The following ETV6 variants were observed in gnomAD, a reference collection of about 807,000 sequenced individuals.
ETV6 encodes the protein ETS variant transcription factor 6.
A neutral mutation model predicts 51.1 loss-of-function variants in ETV6; 16 were observed. That is an observed-to-expected ratio of 0.31 (90% CI 0.21 to 0.48). The LOEUF (loss-of-function observed/expected upper bound fraction) is 0.48, where lower values mean the gene tolerates loss of function less well. ETV6 is among the 20% of genes least tolerant of loss of function. ETV6 has a pLI of 0.99. For synonymous variants in ETV6, 240 were observed against 224.1 expected, an observed-to-expected ratio of 1.07 and a Z score of -0.64; for missense variants, 458 against 594.8, an observed-to-expected ratio of 0.77 and a Z score of 2.39.
At chr12:11,868,805 C>T (rs1000292082) in intron 4 of ETV6, among the ~76,000 whole-genome samples, 4 of 152,084 alleles carry the variant, frequency 2.6e-5, no homozygotes, top group Non-Finnish European at 5.9e-5. Flanking sequence ...CTGAAAGCGA[C>T]GTAGAAGAGT....
intron 4 of ETV6, 114 bp downstream of exon 4, chr12:11,853,675 C>T (rs1041611032): frequency 4.9e-6 from 6 of 1,228,932 alleles, no homozygotes; most frequent in Non-Finnish European, 6.9e-6. Context: ...ATTCAGTAGA[C>T]AATTATTGAG....
chr12:11,668,475 G>A (rs573559225), intron 1 of ETV6, among the ~76,000 whole-genome samples: 6 of 151,606 alleles, frequency 4.0e-5, no homozygotes, highest in African/African-American at 1.2e-4. Context: ...TATTTCTATC[G>A]AAAAGAGTAT....
intron 3 of ETV6, among the ~76,000 whole-genome samples, chr12:11,845,081 G>C (rs901369686): frequency 6.6e-6 from 1 of 152,046 alleles, no homozygotes; most frequent in Admixed American, 6.6e-5. Context: ...TACCCACTTT[G>C]GCCTCCCAAA....
In ETV6 at chr12:11,894,161, A is replaced by G; in HGVS notation, c.*3115A>G. 4.3e-6 allele frequency: 1 copy of G among 231,446 alleles called. No homozygotes were observed. The highest frequency in any genetic ancestry group is 8.5e-6 in the Non-Finnish European group (1 of 116,986). 14.3% of individuals were successfully genotyped at this position (231,446 alleles called of 1,614,324 possible). A position where few individuals can be genotyped will look rare whatever the true frequency, so the allele number is the denominator to read the frequency against. On this transcript the variant is annotated 3_prime_UTR_variant, in exon 8 of 8. Transcript: ENST00000396373. ...TCAATCAGCCATAATCCCTGCTTTC[A>G]GAGTTTATATTGTACCTGCCTAATC...
At chr12:11,713,809 T>TA (rs554329173) in intron 1 of ETV6, among the ~76,000 whole-genome samples, 107 of 152,220 alleles carry the variant, frequency 7.0e-4, no homozygotes, top group African/African-American at 2.5e-3. Flanking sequence ...CCTGGGAGTT[T>TA]AAAAAAATCC....
intron 1 of ETV6, among the ~76,000 whole-genome samples, chr12:11,745,560 C>T (rs1865892569): frequency 6.6e-6 from 1 of 152,202 alleles, no homozygotes; most frequent in African/African-American, 2.4e-5. Flanking sequence ...CCATTCCCCT[C>T]TTGGGAATGT....
At chr12:11,780,489 T>C (rs927776470) in intron 2 of ETV6, among the ~76,000 whole-genome samples, 9 of 152,142 alleles carry the variant, frequency 5.9e-5, no homozygotes, top group Admixed American at 5.2e-4. Flanking sequence ...GGAGGTATAT[T>C]GGGCAGCTCA....
At position 11,789,028 on chromosome 12, in the gene ETV6, TTTG is replaced by T. The variant is rs577196378; in HGVS notation, c.163+36462_163+36464del. On this transcript the variant is annotated intron_variant, in intron 2 of 7. Coordinates refer to ENST00000396373, the MANE Select transcript of ETV6 (RefSeq NM_001987.5). The stretch of plus-strand genomic sequence containing the variant: ...ATGCTTTTATAGTATATTTATTGTT[TTTG>T]TTGTTGTTGTTGCTGTTTTGAGACA... 2.0e-4 allele frequency among the ~76,000 whole-genome samples: 30 copies of T among 152,212 alleles called. No homozygotes were observed. The East Asian group carries it at 5.0e-3, about 25-fold the overall frequency.
chr12:11,734,540 A>AAG (rs1865667030), intron 1 of ETV6, among the ~76,000 whole-genome samples: 1 of 151,952 alleles, frequency 6.6e-6, no homozygotes, highest in African/African-American at 2.4e-5. Flanking sequence ...AAAAAAAAAA[A>AAG]AAGAAGAAGA....
intron 1 of ETV6, among the ~76,000 whole-genome samples, chr12:11,720,729 G>T (rs545654289): frequency 5.1e-4 from 78 of 152,228 alleles, no homozygotes; most frequent in African/African-American, 1.7e-3. Flanking sequence ...TTGACAAGTG[G>T]GAACTAATTA....
intron 2 of ETV6, among the ~76,000 whole-genome samples, chr12:11,763,590 T>G (rs1945122671): frequency 6.6e-6 from 1 of 152,210 alleles, no homozygotes; most frequent in Non-Finnish European, 1.5e-5. Context: ...AGAGAAAAAT[T>G]TTTGCTTCAG....
In ETV6 at chr12:11,746,129, A is replaced by G. The variant is rs569226794; in HGVS notation, c.34-6321A>G. On this transcript the variant is annotated intron_variant, in intron 1 of 7. Coordinates refer to ENST00000396373, the MANE Select transcript of ETV6 (RefSeq NM_001987.5). ...AGGCAGCTCTGTTGAGTCACCCTCA[A>G]GAATCCTGCTGGAATTCTGTGAGGA... Among the ~76,000 whole-genome samples the G allele has an allele frequency of 3.9e-5, 6 of 152,358 alleles. No homozygotes were observed. The South Asian group carries it at 1.2e-3, about 32-fold the overall frequency.
chr12:11,824,391 C>T (rs1252892181), intron 2 of ETV6, among the ~76,000 whole-genome samples: 8 of 152,140 alleles, frequency 5.3e-5, no homozygotes, highest in African/African-American at 1.9e-4. Context: ...GTAGAGTTCT[C>T]TGGGCCCTGT....
At chr12:11,884,173 C>T (rs546453014) in intron 5 of ETV6, among the ~76,000 whole-genome samples, 2 of 152,180 alleles carry the variant, frequency 1.3e-5, no homozygotes, top group Non-Finnish European at 2.9e-5. Flanking sequence ...GGGTCACGAC[C>T]GTGGACTTCT....
intron 1 of ETV6, among the ~76,000 whole-genome samples, chr12:11,708,645 C>T (rs1162056953): frequency 6.6e-6 from 1 of 152,170 alleles, no homozygotes; most frequent in Non-Finnish European, 1.5e-5. Context: ...TAGGCACATT[C>T]AGGAATCGTA....
intron 2 of ETV6, among the ~76,000 whole-genome samples, chr12:11,833,094 A>T (rs1410363164): frequency 6.6e-6 from 1 of 152,256 alleles, no homozygotes; most frequent in Non-Finnish European, 1.5e-5. Context: ...ACATTCTTAC[A>T]GTTGGGTTCC....
At chr12:11,792,455 G>A (rs1031737053) in intron 2 of ETV6, among the ~76,000 whole-genome samples, 6 of 152,196 alleles carry the variant, frequency 3.9e-5, no homozygotes, top group East Asian at 1.9e-4. Flanking sequence ...TTGGGAGGCC[G>A]AGGTGGGTGG....
chr12:11,684,949 A>G (rs1383378820), intron 1 of ETV6, among the ~76,000 whole-genome samples: 1 of 152,216 alleles, frequency 6.6e-6, no homozygotes, highest in Non-Finnish European at 1.5e-5. Context: ...AAAGAAACAC[A>G]GTAGATGACA....
intron 2 of ETV6, among the ~76,000 whole-genome samples, chr12:11,778,948 G>C (rs375787393): frequency 6.6e-6 from 1 of 152,152 alleles, no homozygotes; most frequent in African/African-American, 2.4e-5. Context: ...TGTCAGACTT[G>C]GGTTGGTGGT....
Sources: allele counts gnomAD v4.1 joint callset (sites outside exome capture counted in the v4.1 genomes callset), GRCh38; gene constraint gnomAD v4.1.1; transcripts MANE v1.5; gene names NCBI Gene and HGNC (gene_info 2026-07-23, HGNC 2026-07-21).